Variants in S100A13 observed in about 807,000 individuals in gnomAD.
The protein encoded by S100A13 is protein S100-A13.
A neutral mutation model predicts 8.2 loss-of-function variants in S100A13; 6 were observed. That is an observed-to-expected ratio of 0.73 (90% CI 0.40 to 1.44). The LOEUF is 1.44. Ranked by LOEUF, S100A13 falls within the 40% of genes most tolerant of loss-of-function variation. The pLI is 0.02. For synonymous variants in S100A13, 39 were observed against 45.9 expected (o/e 0.85, Z 0.61); for missense variants, 114 against 113.6 (o/e 1.00, Z -0.02).
intron 1 of S100A13, 164 bp from the exon 2 acceptor site, chr1:153,626,697 G>C: frequency 4.2e-6 from 2 of 481,242 alleles, no homozygotes; most frequent in Non-Finnish European, 7.5e-6. Context: ...AGCAGACCAG[G>C]CAACGGCATC....
intron 2 of S100A13, among the ~76,000 whole-genome samples, chr1:153,623,255 A>G (rs1382132999): frequency 6.6e-6 from 1 of 152,040 alleles, no homozygotes; most frequent in South Asian, 2.1e-4. Context: ...AGTGGGTGAG[A>G]GGGGATGGGA....
chr1:153,623,193 T>C (rs1466756477), intron 2 of S100A13, among the ~76,000 whole-genome samples: 4 of 152,028 alleles, frequency 2.6e-5, no homozygotes, highest in African/African-American at 9.7e-5. Context: ...AAGAGGAAAG[T>C]CTTTTTTTTT....
In S100A13 at chr1:153,618,931, G is replaced by C. The variant is rs778617137; in HGVS notation, c.261C>G (p.Ile87Met). The C allele has an allele frequency of 2.9e-5, 47 of 1,613,936 alleles. No homozygotes were observed. Among genetic ancestry groups the C allele is most frequent in the Non-Finnish European group, 3.7e-5 (44 of 1,180,010 alleles). The change falls in exon 3 of 3, where the codon ATC becomes ATG. Residue 87 changes from isoleucine (I) to methionine (M), a missense_variant. Ile to Met is a conservative substitution (Grantham distance 10). Transcript: ENST00000476133. ...TGATCTTCAGGTCTTTCTTCTTCCT[G>C]ATTTCCTTGGCCAGCTCCCCAATCA... The part of the protein sequence containing the change: ...WRLIGELAKE[I>M]RKKKDLKIRK...
At chr1:153,623,047 G>T (rs558409556) in intron 2 of S100A13, among the ~76,000 whole-genome samples, 1 of 151,464 alleles carries the variant, frequency 6.6e-6, no homozygotes, top group Non-Finnish European at 1.5e-5. Flanking sequence ...CTGTAATCAC[G>T]CCATTGCACT....
At chr1:153,619,284 C>A (rs1667084489) in intron 2 of S100A13, among the ~76,000 whole-genome samples, 1 of 152,172 alleles carries the variant, frequency 6.6e-6, no homozygotes, top group African/African-American at 2.4e-5. Context: ...GTAAATACTT[C>A]CACGATGGCT....
At chr1:153,624,481 C>T (rs1015588256) in intron 2 of S100A13, among the ~76,000 whole-genome samples, 2 of 150,730 alleles carry the variant, frequency 1.3e-5, no homozygotes, top group African/African-American at 4.9e-5. Context: ...AAACTAAAAT[C>T]TAGAGATAAT....
chr1:153,630,787 C>A, upstream of S100A13: 2 of 1,315,292 alleles, frequency 1.5e-6, no homozygotes, highest in African/African-American at 1.5e-5. Context: ...CTTTCCCAGG[C>A]TTCTCTCCTG....
intron 2 of S100A13, among the ~76,000 whole-genome samples, chr1:153,622,764 C>T (rs895211643): frequency 2.0e-5 from 3 of 152,226 alleles, no homozygotes; most frequent in Non-Finnish European, 4.4e-5. Context: ...TGGAAGCCAG[C>T]TCTGGGTCCA....
chr1:153,624,189 C>T (rs1040744982), intron 2 of S100A13, among the ~76,000 whole-genome samples: 3 of 152,120 alleles, frequency 2.0e-5, no homozygotes, highest in South Asian at 2.1e-4. Context: ...GGAAGTTGTG[C>T]GTTATTTTGT....
At chr1:153,632,676 C>G (rs1001903315), upstream of S100A13, among the ~76,000 whole-genome samples, 1 of 151,962 alleles carries the variant, frequency 6.6e-6, no homozygotes, top group Non-Finnish European at 1.5e-5. Context: ...CGATCCTTAC[C>G]CTCACATGGG....
upstream of S100A13, among the ~76,000 whole-genome samples, chr1:153,633,619 G>A (rs1668161455): frequency 6.6e-6 from 1 of 152,204 alleles, no homozygotes. Flanking sequence ...CTTGGCTGGA[G>A]CATTTACGGC....
chr1:153,621,303 C>T (rs1667230722), intron 2 of S100A13, among the ~76,000 whole-genome samples: 1 of 151,678 alleles, frequency 6.6e-6, no homozygotes, highest in African/African-American at 2.4e-5. Context: ...ATTATAGGCA[C>T]CCACCACCAC....
chr1:153,631,260 G>A (rs551998791), upstream of S100A13: 16 of 589,760 alleles, frequency 2.7e-5, no homozygotes, highest in Admixed American at 9.1e-5. Context: ...AAAGTGCACC[G>A]GTTTTGAGGT....
chr1:153,631,854 A>G (rs1553225411), upstream of S100A13: 1 of 1,612,404 alleles, frequency 6.2e-7, no homozygotes, highest in Non-Finnish European at 8.5e-7. Flanking sequence ...AGACAGCCAC[A>G]TTGGGCAGCG....
intron 2 of S100A13, among the ~76,000 whole-genome samples, chr1:153,623,227 T>C (rs1458470905): frequency 6.6e-6 from 1 of 152,030 alleles, no homozygotes; most frequent in African/African-American, 2.4e-5. Context: ...GCTCTGTCGG[T>C]CACCCAGACT....
chr1:153,625,062 G>A (rs1571288957), intron 2 of S100A13, among the ~76,000 whole-genome samples: 2 of 152,018 alleles, frequency 1.3e-5, no homozygotes, highest in South Asian at 2.1e-4. Context: ...GTGACAGAGT[G>A]AGACTCTGTC....
upstream of S100A13, chr1:153,631,521 C>A: frequency 6.2e-7 from 1 of 1,613,568 alleles, no homozygotes; most frequent in Non-Finnish European, 8.5e-7. Flanking sequence ...GGTGAAAGAG[C>A]TTATGCTGTA....
Position 153,618,990 on chromosome 1 carries a change from C to T in S100A13, c.202G>A (p.Asp68Asn). Residue 68 changes from aspartate to asparagine, a missense_variant, in exon 3 of 3, where the codon GAC (aspartate) becomes AAC (asparagine). By Grantham distance (23) the Asp-to-Asn change is conservative. Coordinates refer to ENST00000476133, the MANE Select transcript of S100A13 (RefSeq NM_001024211.2). Reference sequence around the variant, plus strand: ...TACTCATTGAACTTGAGCTCCGAGTCCTGATTCACATCCAAGCTCTTCATC... The same window carrying T: ...TACTCATTGAACTTGAGCTCCGAGTTCTGATTCACATCCAAGCTCTTCATC... Reference protein sequence around the residue: ...EKMKSLDVNQDSELKFNEYWR... With the variant: ...EKMKSLDVNQNSELKFNEYWR... 1.2e-6 allele frequency: 2 copies of T among 1,613,870 alleles called. No individual in the cohort carries two copies. The highest frequency in any genetic ancestry group is 8.5e-7 in the Non-Finnish European group (1 of 1,179,800).
chr1:153,631,761 G>A, upstream of S100A13: 1 of 1,614,210 alleles, frequency 6.2e-7, no homozygotes. Flanking sequence ...TGGAGACGGG[G>A]AGGTGGACTT....
Sources: allele counts gnomAD v4.1 joint callset (sites outside exome capture counted in the v4.1 genomes callset), GRCh38; gene constraint gnomAD v4.1.1; transcripts MANE v1.5; gene names NCBI Gene and HGNC (gene_info 2026-07-23, HGNC 2026-07-21).